CEP72: variants seen among roughly 807,000 people sequenced by gnomAD.
CEP72 encodes centrosomal protein of 72 kDa.
CEP72 carries 78 observed loss-of-function variants against 65.7 expected under a neutral mutation model. That is an observed-to-expected ratio of 1.19 (90% CI 0.99 to 1.43). The LOEUF is 1.43. CEP72 is among the 40% of genes most tolerant of loss of function. CEP72 has a pLI of 0.00. For synonymous variants in CEP72, 358 were observed against 351.7 expected, an observed-to-expected ratio of 1.02 and a Z score of -0.20; for missense variants, 914 against 832.9, an observed-to-expected ratio of 1.10 and a Z score of -1.20.
At chr5:640,889 A>G (rs1379522540) in intron 9 of CEP72, 6 of 985,454 alleles carry the variant, frequency 6.1e-6, no homozygotes, top group Non-Finnish European at 7.2e-6. Context: ...TGCAGGAGCC[A>G]GGCCTGGACG....
At chr5:671,870 G>C (rs1740235483), downstream of CEP72, among the ~76,000 whole-genome samples, 1 of 152,216 alleles carries the variant, frequency 6.6e-6, no homozygotes, top group Non-Finnish European at 1.5e-5. Flanking sequence ...GTTGGGTGTG[G>C]GGAGTGCAGC....
the CEP72 span, among the ~76,000 whole-genome samples, chr5:675,069 CA>C: frequency 4.8e-5 from 1 of 20,770 alleles, no homozygotes; most frequent in Non-Finnish European, 9.5e-5. Context: ...GCAGTGTGGC[CA>C]GGGGTGCAGC....
intron 11 of CEP72, among the ~76,000 whole-genome samples, chr5:649,121 AAT>A (rs1738703280): frequency 4.9e-5 from 4 of 80,988 alleles, no homozygotes; most frequent in Non-Finnish European, 5.2e-5. Context: ...GTGAGGTGTG[AAT>A]GTGAGGCGTG....
At chr5:649,762 T>C (rs544456459) in intron 11 of CEP72, among the ~76,000 whole-genome samples, 1 of 61,940 alleles carries the variant, frequency 1.6e-5, no homozygotes, top group African/African-American at 8.4e-5. Flanking sequence ...GAGGTGTGAC[T>C]GTGAGGCGTG....
intron 11 of CEP72, among the ~76,000 whole-genome samples, chr5:651,654 T>A (rs1739105809): frequency 6.6e-6 from 1 of 151,954 alleles, no homozygotes; most frequent in South Asian, 2.1e-4. Context: ...CTTTTAAGAA[T>A]TGTGTGCCGG....
intron 9 of CEP72, chr5:643,221 AAG>A: frequency 7.1e-6 from 7 of 985,410 alleles, no homozygotes; most frequent in Non-Finnish European, 8.4e-6. Flanking sequence ...ACAAATGAAA[AAG>A]AGCTGGGAGC....
At chr5:629,429 C>T (rs1459136418) in intron 4 of CEP72, among the ~76,000 whole-genome samples, 2 of 148,708 alleles carry the variant, frequency 1.3e-5, no homozygotes, top group South Asian at 4.2e-4. Flanking sequence ...TTGGACCAGT[C>T]CTGGTGGGAT....
rs1739855925 is a variant in CEP72, at chr5:665,431, C to T, written n.433+106C>T. Reference sequence around the variant, plus strand: ...GGGGCATAAACCCTGGGATTTATGCCCCTTTTAATTCTTATTTTTACCTCT... The same window carrying T: ...GGGGCATAAACCCTGGGATTTATGCTCCTTTTAATTCTTATTTTTACCTCT... On this transcript the variant is annotated intron_variant and non_coding_transcript_variant, in intron 3 of 4. Coordinates refer to the CEP72 transcript ENST00000514507. 5 of 796,374 alleles carry T rather than the reference C, an allele frequency of 6.3e-6. No homozygotes were observed. In the South Asian group the frequency reaches 9.1e-5, roughly 15 times the overall value. The allele number at this position is 796,374 out of a possible 1,614,324, so 49.3% of individuals were successfully genotyped here. A position where few individuals can be genotyped will look rare whatever the true frequency, so the allele number is the denominator to read the frequency against.
At chr5:618,524 T>C (rs908188710) in intron 1 of CEP72, among the ~76,000 whole-genome samples, 5 of 152,160 alleles carry the variant, frequency 3.3e-5, no homozygotes, top group African/African-American at 9.7e-5. Context: ...TTCAGAACCA[T>C]TGAGGTGGGC....
At chr5:628,754 G>GT (rs1736974382) in intron 4 of CEP72, among the ~76,000 whole-genome samples, 2 of 124,022 alleles carry the variant, frequency 1.6e-5, no homozygotes, top group African/African-American at 5.8e-5. Flanking sequence ...TCAGGTTGCA[G>GT]TCCCCGGGGA....
chr5:673,176 C>T, the CEP72 span, among the ~76,000 whole-genome samples: 1 of 152,322 alleles, frequency 6.6e-6, no homozygotes, highest in East Asian at 1.9e-4. Context: ...CACAGGCCCG[C>T]CGCCACCACC....
downstream of CEP72, among the ~76,000 whole-genome samples, chr5:668,727 C>T (rs11749927): frequency 0.15 from 22,304 of 152,294 alleles, 1,758 homozygotes; most frequent in Non-Finnish European, 0.18. Context: ...CACACATAAA[C>T]GCAAATGTTT....
intron 9 of CEP72, chr5:644,069 C>G (rs138699273): frequency 7.9e-6 from 4 of 507,490 alleles, no homozygotes; most frequent in Non-Finnish European, 1.1e-5. Context: ...CTGGGGCGCT[C>G]CTTTCCATCC....
intron 11 of CEP72, among the ~76,000 whole-genome samples, chr5:651,465 C>T (rs915477663): frequency 5.9e-5 from 9 of 151,890 alleles, no homozygotes; most frequent in African/African-American, 1.7e-4. Context: ...GAGAGATGGT[C>T]GGGCACGGCG....
At chr5:632,259 G>A (rs1340269829) in intron 4 of CEP72, among the ~76,000 whole-genome samples, 1 of 41,280 alleles carries the variant, frequency 2.4e-5, no homozygotes, top group Non-Finnish European at 5.0e-5. Flanking sequence ...GTCCAGTGCC[G>A]GGATTTAGAC....
In CEP72 at chr5:644,295, G is replaced by A. The variant is rs370674336; in HGVS notation, c.1540-4G>A. The A allele has an allele frequency of 2.0e-5, 32 of 1,612,550 alleles. No individual in the cohort carries two copies. The highest frequency in any genetic ancestry group is 2.6e-5 in the Non-Finnish European group (31 of 1,179,356). ...GCACTTAAGTGTATTTTCTGTGTCC[G>A]CAGGATGATTTGAGACAACATTTAG... On this transcript the variant is annotated splice_polypyrimidine_tract_variant and splice_region_variant and intron_variant, in intron 9 of 11. Coordinates refer to ENST00000264935, the MANE Select transcript of CEP72 (RefSeq NM_018140.4).
intron 10 of CEP72, among the ~76,000 whole-genome samples, chr5:646,361 C>T (rs1347509173): frequency 2.0e-5 from 3 of 152,220 alleles, no homozygotes; most frequent in African/African-American, 7.2e-5. Flanking sequence ...TTCTTGCGCC[C>T]TAACCCTTTG....
At chr5:635,180 G>T (rs1330786311) in intron 5 of CEP72, among the ~76,000 whole-genome samples, 192 bp from the exon 6 acceptor site, 2 of 152,200 alleles carry the variant, frequency 1.3e-5, no homozygotes, top group Non-Finnish European at 2.9e-5. Context: ...CAGGCGAGTG[G>T]CGCCAGTTCC....
chr5:666,608 A>G (rs1430748455), intron 4 of CEP72, among the ~76,000 whole-genome samples: 2 of 151,512 alleles, frequency 1.3e-5, no homozygotes, highest in East Asian at 3.9e-4. Flanking sequence ...CCCACGCCTC[A>G]GATGCCCTGG....
Sources: gnomAD v4.1 joint callset for allele counts (sites outside exome capture counted in the v4.1 genomes callset) on GRCh38, gnomAD v4.1.1 for gene constraint, MANE v1.5 for transcripts, NCBI Gene and HGNC (gene_info 2026-07-23, HGNC 2026-07-21) for gene names.